The following PTK2 variants were observed in gnomAD, a reference collection of about 807,000 sequenced individuals.
The protein encoded by PTK2 is protein tyrosine kinase 2.
In PTK2, 45 loss-of-function variants were observed where a neutral mutation model predicts 150.1. The ratio of observed to expected loss-of-function variants is 0.30; its 90% CI spans 0.24 to 0.38. PTK2 has a LOEUF of 0.38. Among genes scored for constraint, PTK2 ranks in the 10% least tolerant of loss-of-function variants. The pLI is 1.00. For synonymous variants in PTK2, 432 were observed against 449.2 expected, an observed-to-expected ratio of 0.96 and a Z score of 0.48; for missense variants, 919 against 1,307.3, an observed-to-expected ratio of 0.70 and a Z score of 4.58.
intron 12 of PTK2, among the ~76,000 whole-genome samples, chr8:140,798,825 CTG>C (rs980317489): frequency 1.8e-4 from 27 of 152,152 alleles, no homozygotes; most frequent in Admixed American, 1.7e-3. Flanking sequence ...GCATATACTC[CTG>C]TTTAAAGTAT....
At chr8:140,996,581 C>A (rs918445710) in intron 1 of PTK2, among the ~76,000 whole-genome samples, 2 of 152,204 alleles carry the variant, frequency 1.3e-5, no homozygotes, top group Non-Finnish European at 2.9e-5. Context: ...AGCCAATGCT[C>A]GTTTCCCATT....
intron 4 of PTK2, among the ~76,000 whole-genome samples, chr8:140,868,375 G>T (rs2100140608): frequency 6.6e-6 from 1 of 152,158 alleles, no homozygotes; most frequent in African/African-American, 2.4e-5. Flanking sequence ...AATGGAAATA[G>T]AAATTTATCA....
chr8:140,747,986 G>A (rs2100060444), intron 17 of PTK2, among the ~76,000 whole-genome samples: 2 of 152,066 alleles, frequency 1.3e-5, no homozygotes, highest in South Asian at 2.1e-4. Context: ...GGGGGAGGAG[G>A]TGAAATGGGA....
At chr8:140,694,204 C>A (rs2100025051) in intron 26 of PTK2, among the ~76,000 whole-genome samples, 2 of 151,990 alleles carry the variant, frequency 1.3e-5, no homozygotes, top group African/African-American at 4.8e-5. Flanking sequence ...CTACGCCCAG[C>A]TAATTTTTTG....
intron 8 of PTK2, 59 bp from the exon 9 acceptor site, chr8:140,819,079 C>T: frequency 6.5e-7 from 1 of 1,542,652 alleles, no homozygotes; most frequent in Non-Finnish European, 8.8e-7. Context: ...AAGACCACAA[C>T]AATAATGGTA....
chr8:140,685,806 G>C (rs772802761), intron 27 of PTK2, among the ~76,000 whole-genome samples: 2 of 152,144 alleles, frequency 1.3e-5, no homozygotes, highest in Non-Finnish European at 2.9e-5. Flanking sequence ...AATTACTTCG[G>C]TCACTGTGGA....
intron 1 of PTK2, among the ~76,000 whole-genome samples, chr8:140,939,300 T>C (rs1312881238): frequency 6.6e-6 from 1 of 152,220 alleles, no homozygotes; most frequent in Non-Finnish European, 1.5e-5. Context: ...TTCAAGAAAT[T>C]GCAAAAAAAT....
At chr8:140,931,557 C>T (rs1173764957) in intron 1 of PTK2, among the ~76,000 whole-genome samples, 2 of 151,820 alleles carry the variant, frequency 1.3e-5, no homozygotes, top group East Asian at 3.9e-4. Context: ...CAGAACAAGA[C>T]CTTGTGGTTT....
chr8:140,927,971 AAAAAATAT>A (rs1169699030), intron 1 of PTK2, among the ~76,000 whole-genome samples: 18 of 66,926 alleles, frequency 2.7e-4, no homozygotes, highest in African/African-American at 1.0e-3. Context: ...AAAAAAAAAA[AAAAAATAT>A]ATATATATAT....
intron 4 of PTK2, 81 bp downstream of exon 4, chr8:140,879,390 A>G: frequency 2.2e-6 from 3 of 1,381,126 alleles, no homozygotes; most frequent in South Asian, 1.5e-5. Flanking sequence ...AATTAAACAT[A>G]TACATTTGTT....
At chr8:140,714,757 A>G (rs1159407766) in intron 23 of PTK2, among the ~76,000 whole-genome samples, 2 of 133,458 alleles carry the variant, frequency 1.5e-5, no homozygotes, top group Non-Finnish European at 1.5e-5. Flanking sequence ...AGATTGCGCC[A>G]CTGCACTCCA....
chr8:140,750,516 T>G (rs1477089246), intron 17 of PTK2: 1 of 152,178 alleles, frequency 6.6e-6, no homozygotes, highest in East Asian at 1.9e-4. Context: ...CAAAAAATAG[T>G]AAGGGGAGAC....
intron 14 of PTK2, among the ~76,000 whole-genome samples, chr8:140,772,622 A>G (rs2100076130): frequency 6.6e-6 from 1 of 152,228 alleles, no homozygotes; most frequent in South Asian, 2.1e-4. Context: ...ACATAAGATG[A>G]TATCTTTGGT....
intron 1 of PTK2, among the ~76,000 whole-genome samples, chr8:140,955,025 T>G (rs1009504465): frequency 6.6e-6 from 1 of 152,328 alleles, no homozygotes; most frequent in Admixed American, 6.5e-5. Context: ...GAAGGAAATA[T>G]ACATGAAATA....
intron 5 of PTK2, among the ~76,000 whole-genome samples, chr8:140,862,312 GTTAT>G (rs1405269108): frequency 6.6e-6 from 1 of 151,974 alleles, no homozygotes; most frequent in Non-Finnish European, 1.5e-5. Flanking sequence ...ATAAACATGA[GTTAT>G]TTAAACTCTC....
At chr8:140,711,685 T>C (rs1190885081) in intron 23 of PTK2, among the ~76,000 whole-genome samples, 2 of 152,226 alleles carry the variant, frequency 1.3e-5, no homozygotes, top group Admixed American at 1.3e-4. Context: ...CTATCAGTTA[T>C]AGCTGTGGGG....
intron 4 of PTK2, among the ~76,000 whole-genome samples, chr8:140,869,112 C>T (rs1335855177): frequency 1.3e-5 from 2 of 148,240 alleles, no homozygotes; most frequent in Non-Finnish European, 3.0e-5. Flanking sequence ...GACAAACACC[C>T]GCCCCCGCCC....
At chr8:140,717,852 G>A in intron 22 of PTK2, 143 bp from the exon 26 acceptor site, 2 of 615,670 alleles carry the variant, frequency 3.2e-6, no homozygotes, top group Admixed American at 5.0e-5. Flanking sequence ...GGGAAAGAAG[G>A]ATCAGGTTTC....
chr8:140,669,975 C>T, intron 29 of PTK2: 1 of 516,684 alleles, frequency 1.9e-6, no homozygotes, highest in Non-Finnish European at 3.4e-6. Context: ...ATGCACCATG[C>T]TCAGTTACAA....
Sources: allele counts gnomAD v4.1 joint callset (sites outside exome capture counted in the v4.1 genomes callset), GRCh38; gene constraint gnomAD v4.1.1; transcripts MANE v1.5; gene names NCBI Gene and HGNC (gene_info 2026-07-23, HGNC 2026-07-21).